The following UGT2A2 variants were observed in gnomAD, a reference collection of about 807,000 sequenced individuals.
The protein encoded by UGT2A2 is UDP glucuronosyltransferase family 2 member A2, also known as UDP-glucuronosyltransferase 2A2.
A neutral mutation model predicts 50.7 loss-of-function variants in UGT2A2; 60 were observed. The ratio of observed to expected loss-of-function variants is 1.18; its 90% CI spans 0.96 to 1.47. The LOEUF (loss-of-function observed/expected upper bound fraction) is 1.47. Among genes scored for constraint, UGT2A2 ranks in the 40% most tolerant of loss-of-function variants. UGT2A2 has a pLI of 0.00. For synonymous variants in UGT2A2, 242 were observed against 214.6 expected (o/e 1.13, Z -1.11); for missense variants, 762 against 634.0 (o/e 1.20, Z -2.17).
At chr4:69,596,762 T>G (rs553586893) in intron 2 of UGT2A2, among the ~76,000 whole-genome samples, 1 of 152,172 alleles carries the variant, frequency 6.6e-6, no homozygotes, top group African/African-American at 2.4e-5. Context: ...CCTCCAGTGA[T>G]CCACCTGCCT....
chr4:69,618,221 T>TTGTGTGTGTGTGTG (rs112693693), intron 1 of UGT2A2, among the ~76,000 whole-genome samples: 3 of 144,736 alleles, frequency 2.1e-5, no homozygotes, highest in East Asian at 2.0e-4. Context: ...GTGTGTATGT[T>TTGTGTGTGTGTGTG]TGTGTGTGTG....
chr4:69,623,227 G>T (rs1300680506), intron 1 of UGT2A2, among the ~76,000 whole-genome samples: 1 of 151,692 alleles, frequency 6.6e-6, no homozygotes, highest in African/African-American at 2.4e-5. Flanking sequence ...TGATTGTACT[G>T]CATGCCAAGT....
chr4:69,618,960 T>G lies in UGT2A2; in HGVS notation c.743-19566A>C, dbSNP rs186106581. ...AAGACAAAGATGTTGTTTAACATAC[T>G]TTAAATTAATGTTGAATTTTATAAT... On this transcript the variant is annotated intron_variant, in intron 1 of 5. Coordinates refer to ENST00000604629, the MANE Select transcript of UGT2A2 (RefSeq NM_001105677.2). 3.8e-3 allele frequency among the ~76,000 whole-genome samples: 579 copies of G among 152,048 alleles called. 1 individual carries two copies. Among genetic ancestry groups the G allele is most frequent in the Middle Eastern group, 0.014 (4 of 294 alleles).
At chr4:69,610,804 A>G (rs1179913413) in intron 1 of UGT2A2, among the ~76,000 whole-genome samples, 1 of 152,214 alleles carries the variant, frequency 6.6e-6, no homozygotes, top group African/African-American at 2.4e-5. Flanking sequence ...TTGGACGTCT[A>G]GCCATCAGAA....
rs759466309 is a variant in UGT2A2, at chr4:69,589,575, A to G, written c.1408T>C (p.Trp470Arg). The G allele has an allele frequency of 3.1e-6, 5 of 1,614,088 alleles. No individual in the cohort carries two copies. The highest frequency in any genetic ancestry group is 4.2e-6 in the Non-Finnish European group (5 of 1,179,942). ...TTGTGGCGCATGACAAACTCGATCC[A>G]GAAGACTGCTCGATCCAGGGGCTTT... ...PVKPLDRAVF[W>R]IEFVMRHKGA... The change falls in exon 6 of 6, where the codon TGG becomes CGG. Residue 470 changes from tryptophan (W) to arginine (R), a missense_variant. By Grantham distance (101) the Trp-to-Arg change is moderately radical. Transcript: ENST00000604629.
intron 1 of UGT2A2, among the ~76,000 whole-genome samples, chr4:69,630,681 A>C (rs1479584407): frequency 6.6e-6 from 1 of 152,086 alleles, no homozygotes; most frequent in Non-Finnish European, 1.5e-5. Flanking sequence ...CAAAATAAAA[A>C]CCATTTATTA....
chr4:69,588,835 C>A lies in UGT2A2; in HGVS notation c.*537G>T, dbSNP rs976798299. 4.6e-5 allele frequency: 7 copies of A among 152,052 alleles called. No individual in the cohort carries two copies. Among genetic ancestry groups the A allele is most frequent in the African/African-American group, 1.7e-4 (7 of 41,384 alleles). The allele number at this position is 152,052 out of a possible 1,614,324, so 9.4% of individuals were successfully genotyped here. A position where few individuals can be genotyped will look rare whatever the true frequency, so the allele number is the denominator to read the frequency against. On this transcript the variant is annotated 3_prime_UTR_variant, in exon 6 of 6. Transcript: ENST00000604629. Reference sequence around the variant, plus strand: ...ACGCACGTCACACTTAAAATTCATTCTCTAACTCCTGAAACATTGAGCAAG... The same window carrying A: ...ACGCACGTCACACTTAAAATTCATTATCTAACTCCTGAAACATTGAGCAAG...
At chr4:69,614,632 A>G (rs562775044) in intron 1 of UGT2A2, among the ~76,000 whole-genome samples, 2 of 152,172 alleles carry the variant, frequency 1.3e-5, no homozygotes, top group South Asian at 4.1e-4. Flanking sequence ...ATATAGACCA[A>G]TGGAATAGAA....
intron 1 of UGT2A2, among the ~76,000 whole-genome samples, chr4:69,618,239 A>G (rs2877457): frequency 0.46 from 52,645 of 115,642 alleles, 9,554 homozygotes; most frequent in African/African-American, 0.52. Context: ...GTGTGTGTGT[A>G]TGTGTGTGTT....
At chr4:69,625,570 T>C (rs1264229525) in intron 1 of UGT2A2, among the ~76,000 whole-genome samples, 2 of 151,388 alleles carry the variant, frequency 1.3e-5, no homozygotes, top group Non-Finnish European at 3.0e-5. Flanking sequence ...TAATTTTAGA[T>C]ATTGTGTGTT....
Position 69,594,165 on chromosome 4 carries a change from A to G in UGT2A2, c.1331+312T>C, listed in dbSNP as rs554028781. Among the ~76,000 whole-genome samples the G allele has an allele frequency of 6.9e-4, 104 of 151,818 alleles. No individual in the cohort carries two copies. In the Middle Eastern group the frequency reaches 0.01, roughly 15 times the overall value. On this transcript the variant is annotated intron_variant, in intron 5 of 5. Coordinates refer to ENST00000604629, the MANE Select transcript of UGT2A2 (RefSeq NM_001105677.2). ...AAATTTTTGTATTTTTAGTAGAGAC[A>G]GGGTTTCACCGTGTTAGCCAGGATG...
At chr4:69,604,805 A>T (rs2109901884) in intron 1 of UGT2A2, among the ~76,000 whole-genome samples, 1 of 136,972 alleles carries the variant, frequency 7.3e-6, no homozygotes, top group East Asian at 2.1e-4. Context: ...AAAGCACCAA[A>T]GATCAAAAGA....
At chr4:69,595,083 T>C in intron 4 of UGT2A2, 79 bp downstream of exon 4, 1 of 1,512,018 alleles carries the variant, frequency 6.6e-7, no homozygotes, top group Non-Finnish European at 9.1e-7. Flanking sequence ...TAAAAATGTA[T>C]TGAATTTATT....
At chr4:69,631,224 T>G (rs1426829653) in intron 1 of UGT2A2, among the ~76,000 whole-genome samples, 2 of 152,122 alleles carry the variant, frequency 1.3e-5, no homozygotes, top group Non-Finnish European at 2.9e-5. Context: ...ACTGTTTTAG[T>G]GAAATTAGTT....
intron 1 of UGT2A2, among the ~76,000 whole-genome samples, chr4:69,605,288 C>T (rs1299213071): frequency 7.3e-6 from 1 of 136,978 alleles, no homozygotes; most frequent in East Asian, 2.0e-4. Flanking sequence ...CGCTCAACTA[C>T]ATGGAAACTG....
intron 1 of UGT2A2, among the ~76,000 whole-genome samples, chr4:69,624,255 C>A (rs1446147569): frequency 2.6e-5 from 4 of 151,518 alleles, no homozygotes; most frequent in East Asian, 1.9e-4. Flanking sequence ...ATAATCATTT[C>A]TCTGAAGGTC....
chr4:69,617,471 A>G (rs1318445345), intron 1 of UGT2A2, among the ~76,000 whole-genome samples: 1 of 151,956 alleles, frequency 6.6e-6, no homozygotes, highest in African/African-American at 2.4e-5. Flanking sequence ...ATGTGTACGT[A>G]TATACGTAGA....
rs1292305895 is a variant in UGT2A2 at position 69,592,186 on chromosome 4, G to A, written c.1331+2291C>T. On this transcript the variant is annotated intron_variant, in intron 5 of 5. Transcript: ENST00000604629. ...TAAGAAAAAGCACTAAATTCCATCC[G>A]AGTTTACCTTCTCCTCTCCTGAATC... 9.9e-5 allele frequency among the ~76,000 whole-genome samples: 15 copies of A among 152,158 alleles called. No homozygotes were observed. In the East Asian group the frequency reaches 1.4e-3, roughly 14 times the overall value.
intron 1 of UGT2A2, among the ~76,000 whole-genome samples, chr4:69,629,858 T>C (rs988173895): frequency 2.0e-5 from 3 of 152,110 alleles, no homozygotes; most frequent in African/African-American, 4.8e-5. Flanking sequence ...TAGTGAATCA[T>C]CGAGTCTCAG....
Sources: gnomAD v4.1 joint callset for allele counts (sites outside exome capture counted in the v4.1 genomes callset) on GRCh38, gnomAD v4.1.1 for gene constraint, MANE v1.5 for transcripts, NCBI Gene and HGNC (gene_info 2026-07-23, HGNC 2026-07-21) for gene names.